ARHGEF37: variants seen among roughly 807,000 people sequenced by gnomAD.
ARHGEF37 encodes Rho guanine nucleotide exchange factor 37, also known as Rho guanine nucleotide exchange factor (GEF) 37.
ARHGEF37 carries 55 observed loss-of-function variants against 71.1 expected under a neutral mutation model. That is an observed-to-expected ratio of 0.77 (90% CI 0.62 to 0.97). ARHGEF37 has a LOEUF of 0.97. ARHGEF37 is among the 50% of genes least tolerant of loss of function. ARHGEF37 has a pLI of 0.00. For synonymous variants in ARHGEF37, 327 were observed against 350.6 expected, an observed-to-expected ratio of 0.93 and a Z score of 0.75; for missense variants, 765 against 836.8, an observed-to-expected ratio of 0.91 and a Z score of 1.06.
Position 149,618,189 on chromosome 5 carries a change from C to G in ARHGEF37, c.672C>G (p.Thr224=). The change falls in exon 6 of 13, where the codon ACC becomes ACG. Residue 224 remains threonine (T), a synonymous_variant. Transcript: ENST00000333677. ...CTGTCGTTGCAGCCTCCAAGTACAC[C>G]AAGGTAGAGCAGCTGACCCTCCGGG... The part of the protein sequence containing the change: ...KMRKEVASKY[T]KVEQLTLRER... 6.2e-7 allele frequency: 1 copy of G among 1,614,184 alleles called. No individual in the cohort carries two copies. Among genetic ancestry groups the G allele is most frequent in the Non-Finnish European group, 8.5e-7 (1 of 1,180,016 alleles).
chr5:149,605,081 G>A (rs1001670215), intron 3 of ARHGEF37, among the ~76,000 whole-genome samples: 26 of 151,656 alleles, frequency 1.7e-4, no homozygotes, highest in Non-Finnish European at 1.5e-4. Flanking sequence ...ACAAAAATTA[G>A]TCGGGCGTGT....
Position 149,609,477 on chromosome 5 carries a change from G to C in ARHGEF37, c.311-71G>C, listed in dbSNP as rs375993768. 5.1e-6 allele frequency: 8 copies of C among 1,556,662 alleles called. 1 individual carries two copies. The African/African-American group carries it at 1.1e-4, about 21-fold the overall frequency. ...GGAGAGCTGGAGGGGTTTACTTACT[G>C]CCTCCCTGTTCCAAGCTAGGGGACA... On this transcript the variant is annotated intron_variant, in intron 3 of 12. Transcript: ENST00000333677.
intron 1 of ARHGEF37, among the ~76,000 whole-genome samples, chr5:149,557,587 C>T (rs1194071492): frequency 6.6e-6 from 1 of 152,120 alleles, no homozygotes; most frequent in African/African-American, 2.4e-5. Flanking sequence ...TCAAGCAAGC[C>T]TCTGCCTTAG....
chr5:149,592,640 G>A (rs760479901), intron 1 of ARHGEF37, among the ~76,000 whole-genome samples: 5 of 152,150 alleles, frequency 3.3e-5, no homozygotes, highest in Non-Finnish European at 5.9e-5. Context: ...CTCTTACTGC[G>A]GGATGTCCAG....
At chr5:149,628,666 G>C in intron 11 of ARHGEF37, 143 bp from the exon 12 acceptor site, 1 of 1,070,900 alleles carries the variant, frequency 9.3e-7, no homozygotes, top group Non-Finnish European at 1.3e-6. Flanking sequence ...GGGGCAGGGG[G>C]GTTCAGGGTT....
At chr5:149,611,924 T>C (rs1414432041) in intron 4 of ARHGEF37, among the ~76,000 whole-genome samples, 1 of 152,178 alleles carries the variant, frequency 6.6e-6, no homozygotes, top group Admixed American at 6.5e-5. Flanking sequence ...ATGGCTTCAC[T>C]AAGAAAGGAG....
Position 149,615,280 on chromosome 5 carries a change from G to T in ARHGEF37, c.459-1287G>T, listed in dbSNP as rs78619339. 3.3e-5 allele frequency among the ~76,000 whole-genome samples: 5 copies of T among 151,016 alleles called. No individual in the cohort carries two copies. The East Asian group carries it at 5.8e-4, about 18-fold the overall frequency. On this transcript the variant is annotated intron_variant, in intron 4 of 12. Coordinates refer to ENST00000333677, the MANE Select transcript of ARHGEF37 (RefSeq NM_001001669.3). ...AGCAATCCTCCTGCCTTAGCCTCCTGAGTAGCCACCACCATGCCTAGTTAA... is the reference window on the plus strand; with the variant it reads ...AGCAATCCTCCTGCCTTAGCCTCCTTAGTAGCCACCACCATGCCTAGTTAA...
At chr5:149,627,620 T>G (rs952560346) in intron 11 of ARHGEF37, among the ~76,000 whole-genome samples, 26 of 152,126 alleles carry the variant, frequency 1.7e-4, no homozygotes, top group African/African-American at 5.6e-4. Flanking sequence ...CCCTGAAAGA[T>G]GGAGATGGGC....
At chr5:149,576,006 G>A (rs1763025013) in intron 1 of ARHGEF37, among the ~76,000 whole-genome samples, 1 of 152,162 alleles carries the variant, frequency 6.6e-6, no homozygotes, top group South Asian at 2.1e-4. Flanking sequence ...AGCACTTTGG[G>A]AGGCCGAGGT....
chr5:149,611,706 A>G (rs1170733412), intron 4 of ARHGEF37, among the ~76,000 whole-genome samples: 1 of 152,236 alleles, frequency 6.6e-6, no homozygotes, highest in Non-Finnish European at 1.5e-5. Flanking sequence ...AGTGACACTC[A>G]ATGAATCTCA....
intron 3 of ARHGEF37, among the ~76,000 whole-genome samples, chr5:149,604,143 A>G (rs1763839109): frequency 6.6e-6 from 1 of 152,112 alleles, no homozygotes; most frequent in South Asian, 2.1e-4. Context: ...TTCCTTGTAA[A>G]GGTCTTCATT....
intron 11 of ARHGEF37, 78 bp downstream of exon 11, chr5:149,627,349 T>C: frequency 6.7e-7 from 1 of 1,494,474 alleles, no homozygotes; most frequent in Non-Finnish European, 9.0e-7. Flanking sequence ...ACCCGGGCAC[T>C]CTTGTGGGTC....
chr5:149,595,067 A>G (rs953473801), intron 1 of ARHGEF37, among the ~76,000 whole-genome samples: 11 of 152,236 alleles, frequency 7.2e-5, no homozygotes, highest in Non-Finnish European at 1.6e-4. Context: ...GGATTAGGAT[A>G]GGATGGGGAC....
At chr5:149,590,757 C>T (rs755355664) in intron 1 of ARHGEF37, among the ~76,000 whole-genome samples, 54 of 151,902 alleles carry the variant, frequency 3.6e-4, no homozygotes, top group East Asian at 1.9e-4. Flanking sequence ...CCACCACACC[C>T]GGCTAATTTT....
chr5:149,628,179 G>A (rs73796203), intron 11 of ARHGEF37, among the ~76,000 whole-genome samples: 16,693 of 152,174 alleles, frequency 0.11, 1,183 homozygotes, highest in African/African-American at 0.2. Context: ...CCACCACTTT[G>A]CTGACTGTGT....
At position 149,595,935 on chromosome 5, in the gene ARHGEF37, G is replaced by A. The variant is rs1561793308; in HGVS notation, c.-11-1824G>A. Among the ~76,000 whole-genome samples, 4 of 147,930 alleles carry A rather than the reference G, an allele frequency of 2.7e-5. No homozygotes were observed. The South Asian group carries it at 8.4e-4, about 31-fold the overall frequency. ...GAACTGTCTTTGTCATCTTCTGTGT[G>A]GATAGCTGCATTTTTTTTTTTTTTT... On this transcript the variant is annotated intron_variant, in intron 1 of 12. Coordinates refer to ENST00000333677, the MANE Select transcript of ARHGEF37 (RefSeq NM_001001669.3).
intron 1 of ARHGEF37, among the ~76,000 whole-genome samples, chr5:149,566,326 GTC>G (rs1181407221): frequency 1.3e-5 from 2 of 151,786 alleles, no homozygotes; most frequent in Non-Finnish European, 2.9e-5. Context: ...ATGAAACCCT[GTC>G]TCTACTAAAA....
At chr5:149,615,248 G>A (rs1191465048) in intron 4 of ARHGEF37, among the ~76,000 whole-genome samples, 1 of 151,534 alleles carries the variant, frequency 6.6e-6, no homozygotes, top group Admixed American at 6.6e-5. Context: ...TCGTACTCCT[G>A]GGCTTAAGCA....
rs6884631 is a variant in ARHGEF37 at position 149,634,281 on chromosome 5, T to A, written c.*2090T>A. On this transcript the variant is annotated 3_prime_UTR_variant, in exon 13 of 13. Coordinates refer to ENST00000333677, the MANE Select transcript of ARHGEF37 (RefSeq NM_001001669.3). ...ATAGACCTGGTGCCAGAGATGGCCA[T>A]GAGCTGTAAGCTAGGACGTGCCCCA... is the stretch of plus-strand genomic sequence containing the variant. The A allele has an allele frequency of 0.3, 45,173 of 152,172 alleles. 8,740 individuals carry two copies. Among genetic ancestry groups the A allele is most frequent in the Non-Finnish European group, 0.43 (29,191 of 67,998 alleles). 9.4% of individuals were successfully genotyped at this position (152,172 alleles called of 1,614,324 possible).
Sources: gnomAD v4.1 joint callset for allele counts (sites outside exome capture counted in the v4.1 genomes callset) on GRCh38, gnomAD v4.1.1 for gene constraint, MANE v1.5 for transcripts, NCBI Gene and HGNC (gene_info 2026-07-23, HGNC 2026-07-21) for gene names.